The following MBD5 variants were observed in gnomAD, a reference collection of about 807,000 sequenced individuals.
MBD5 encodes the protein methyl-CpG binding domain protein 5.
Under a neutral mutation model 117.3 loss-of-function variants are expected in MBD5, and 13 were observed. The observed-to-expected ratio is 0.11, with a 90% CI of 0.07 to 0.18. The LOEUF (loss-of-function observed/expected upper bound fraction) is 0.18, where lower values mean the gene tolerates loss of function less well. Among genes scored for constraint, MBD5 ranks in the 10% least tolerant of loss-of-function variants. The probability of loss-of-function intolerance (pLI) is 1.00; values close to 1 mark genes in which losing one functional copy is unlikely to be tolerated. For missense variants in MBD5, 1,879 were observed against 2,093.8 expected (o/e 0.90, Z 2.00); for synonymous variants, 727 against 766.4 (o/e 0.95, Z 0.85).
At chr2:148,039,306 T>C (rs193162723) in intron 1 of MBD5, among the ~76,000 whole-genome samples, 92 of 152,278 alleles carry the variant, frequency 6.0e-4, no homozygotes, top group Non-Finnish European at 1.1e-3. Flanking sequence ...TTGTTTTGTC[T>C]TCTAGGGACA....
At chr2:148,450,694 A>C (rs1283602880) in intron 4 of MBD5, among the ~76,000 whole-genome samples, 2 of 152,164 alleles carry the variant, frequency 1.3e-5, no homozygotes, top group Non-Finnish European at 2.9e-5. Context: ...CATATGCATC[A>C]AATTCCACTG....
rs543478869 is a variant in MBD5, at chr2:148,285,816, C to A, written c.-680+52421C>A. On this transcript the variant is annotated intron_variant, in intron 3 of 13. Coordinates refer to ENST00000642680, the MANE Select transcript of MBD5 (RefSeq NM_001378120.1). ...TCAAGCCATCCACCCACCTTGGCCT[C>A]CCAAAGTGCCGGGATTACAGGTGTG... 8.5e-5 allele frequency among the ~76,000 whole-genome samples: 13 copies of A among 152,248 alleles called. No individual in the cohort carries two copies. The East Asian group carries it at 2.5e-3, about 29-fold the overall frequency.
intron 1 of MBD5, chr2:148,027,086 A>G (rs879360623): frequency 3.3e-5 from 5 of 152,318 alleles, no homozygotes; most frequent in Non-Finnish European, 7.4e-5. Flanking sequence ...AATTTTTAAT[A>G]TAAATGTGTT....
chr2:148,381,914 A>AT (rs1331538153), intron 4 of MBD5, among the ~76,000 whole-genome samples: 1 of 152,182 alleles, frequency 6.6e-6, no homozygotes, highest in Non-Finnish European at 1.5e-5. Flanking sequence ...ATGCTGAGAG[A>AT]TTTTGTCACC....
rs545470481 is a variant in MBD5 at position 148,064,333 on chromosome 2, T to C, written c.-925+42649T>C. On this transcript the variant is annotated intron_variant, in intron 1 of 13. Transcript: ENST00000642680. ...GGTTTCTCCGTGTTAGCCAGGATGGTCTCGATCTCCTGACCTCGTGATCCC... is the reference window on the plus strand; with the variant it reads ...GGTTTCTCCGTGTTAGCCAGGATGGCCTCGATCTCCTGACCTCGTGATCCC... Among the ~76,000 whole-genome samples, 7 of 151,872 alleles carry C rather than the reference T, an allele frequency of 4.6e-5. No homozygotes were observed. The South Asian group carries it at 6.2e-4, about 14-fold the overall frequency.
chr2:148,285,189 TAGAC>T (rs1574239436), intron 3 of MBD5, among the ~76,000 whole-genome samples: 1 of 152,192 alleles, frequency 6.6e-6, no homozygotes, highest in South Asian at 2.1e-4. Flanking sequence ...TTCAAACAAA[TAGAC>T]AGCTTAGTTT....
At chr2:148,355,838 G>A (rs1268242701) in intron 4 of MBD5, among the ~76,000 whole-genome samples, 1 of 152,074 alleles carries the variant, frequency 6.6e-6, no homozygotes, top group Non-Finnish European at 1.5e-5. Context: ...TAGCTTGGTG[G>A]GAATAGCATT....
At chr2:148,234,226 T>C (rs948764048) in intron 3 of MBD5, among the ~76,000 whole-genome samples, 2 of 152,138 alleles carry the variant, frequency 1.3e-5, no homozygotes, top group African/African-American at 4.8e-5. Flanking sequence ...AATGTAATCT[T>C]TCAAGGGATT....
intron 5 of MBD5, among the ~76,000 whole-genome samples, chr2:148,461,578 G>C (rs1327896121): frequency 6.6e-6 from 1 of 152,162 alleles, no homozygotes; most frequent in African/African-American, 2.4e-5. Flanking sequence ...GATGAACTTG[G>C]TCAGAGGGCT....
intron 3 of MBD5, among the ~76,000 whole-genome samples, chr2:148,281,055 A>G (rs2106382038): frequency 6.6e-6 from 1 of 152,198 alleles, no homozygotes; most frequent in Admixed American, 6.5e-5. Context: ...TGAGGTGTGG[A>G]TATATTTTTA....
At chr2:148,385,284 CAAA>C (rs914591304) in intron 4 of MBD5, among the ~76,000 whole-genome samples, 3 of 152,092 alleles carry the variant, frequency 2.0e-5, no homozygotes, top group African/African-American at 7.2e-5. Flanking sequence ...ACAACCCCAT[CAAA>C]AAGTGGGCAA....
chr2:148,376,817 T>TA (rs1458023534), intron 4 of MBD5, among the ~76,000 whole-genome samples: 3 of 99,882 alleles, frequency 3.0e-5, no homozygotes, highest in Non-Finnish European at 5.9e-5. Context: ...ATATTATAAT[T>TA]TATATAATAT....
intron 4 of MBD5, among the ~76,000 whole-genome samples, chr2:148,447,211 GAAAGAAAGAAAGAAAGAAA>G (rs1192159645): frequency 1.2e-3 from 22 of 18,032 alleles, no homozygotes; most frequent in South Asian, 0.018. Flanking sequence ...AAGAAAGAAA[GAAAGAAAGAAAGAAAGAAA>G]GAAAGGGAAA....
At chr2:148,433,230 G>A (rs1015953381) in intron 4 of MBD5, among the ~76,000 whole-genome samples, 2 of 151,982 alleles carry the variant, frequency 1.3e-5, no homozygotes, top group African/African-American at 4.8e-5. Context: ...CTGAAACTTT[G>A]CTTAATTTTT....
chr2:148,166,578 C>T (rs1170986448), intron 1 of MBD5, among the ~76,000 whole-genome samples: 1 of 152,200 alleles, frequency 6.6e-6, no homozygotes, highest in Non-Finnish European at 1.5e-5. Flanking sequence ...CCTTTTCCTA[C>T]ATCACTGAGG....
At chr2:148,460,072 T>C (rs1046864323) in intron 5 of MBD5, 1 of 152,190 alleles carries the variant, frequency 6.6e-6, no homozygotes, top group Non-Finnish European at 1.5e-5. Context: ...TACTTTGTTA[T>C]AAATATAATA....
Position 148,458,684 on chromosome 2 carries a change from G to C in MBD5, c.-75G>C. 1 of 1,312,396 alleles carries C rather than the reference G, an allele frequency of 7.6e-7. No individual in the cohort carries two copies. The allele number at this position is 1,312,396 out of a possible 1,614,324, so 81.3% of individuals were successfully genotyped here. On this transcript the variant is annotated 5_prime_UTR_variant, in exon 5 of 14. Coordinates refer to ENST00000642680, the MANE Select transcript of MBD5 (RefSeq NM_001378120.1). ...TGTGCTGCACTGGCCCACTTTTGAAGGCCATCATGCTCTGTAATATAAGGA... is the reference window on the plus strand; with the variant it reads ...TGTGCTGCACTGGCCCACTTTTGAACGCCATCATGCTCTGTAATATAAGGA...
At chr2:148,385,202 G>T (rs1004355992) in intron 4 of MBD5, among the ~76,000 whole-genome samples, 25 of 152,056 alleles carry the variant, frequency 1.6e-4, no homozygotes, top group African/African-American at 5.6e-4. Context: ...GAAAATTTTG[G>T]CAACGTACTC....
At chr2:148,446,602 C>CTCTGTGTGTGTG (rs1553516216) in intron 4 of MBD5, among the ~76,000 whole-genome samples, 5 of 148,784 alleles carry the variant, frequency 3.4e-5, no homozygotes, top group East Asian at 2.0e-4. Flanking sequence ...GATTATTTAT[C>CTCTGTGTGTGTG]TGTGTGTGTG....
Sources: gnomAD v4.1 joint callset for allele counts (sites outside exome capture counted in the v4.1 genomes callset) on GRCh38, gnomAD v4.1.1 for gene constraint, MANE v1.5 for transcripts, NCBI Gene and HGNC (gene_info 2026-07-23, HGNC 2026-07-21) for gene names.